The following PACS1 variants were observed in gnomAD, a reference collection of about 807,000 sequenced individuals.
PACS1 encodes the protein PACS-1.
In PACS1, 24 loss-of-function variants were observed where a neutral mutation model predicts 115.0. The observed-to-expected ratio is 0.21, with a 90% confidence interval of 0.15 to 0.29. The LOEUF is 0.29. Among genes scored for constraint, PACS1 ranks in the 10% least tolerant of loss-of-function variants. PACS1 has a pLI of 1.00. For synonymous variants in PACS1, 453 were observed against 504.5 expected (o/e 0.90, Z 1.37); for missense variants, 838 against 1,251.2 (o/e 0.67, Z 4.98).
intron 1 of PACS1, among the ~76,000 whole-genome samples, chr11:66,082,126 G>T (rs1266328975): frequency 6.6e-6 from 1 of 152,148 alleles, no homozygotes; most frequent in Non-Finnish European, 1.5e-5. Context: ...CTTGAATCTG[G>T]ATCTTAATGA....
At chr11:66,076,405 CT>C (rs963192468) in intron 1 of PACS1, among the ~76,000 whole-genome samples, 293 of 144,894 alleles carry the variant, frequency 2.0e-3, no homozygotes, top group Middle Eastern at 7.1e-3. Flanking sequence ...TGGACTTGGA[CT>C]TTTTTTTTTT....
At chr11:66,136,262 AACACACAC>A (rs71270571) in intron 1 of PACS1, among the ~76,000 whole-genome samples, 2 of 143,700 alleles carry the variant, frequency 1.4e-5, no homozygotes, top group African/African-American at 2.6e-5. Flanking sequence ...CAATCCCGCT[AACACACAC>A]ACACACACAC....
At chr11:66,241,131 T>C (rs920808184) in intron 21 of PACS1, 10 of 373,950 alleles carry the variant, frequency 2.7e-5, no homozygotes, top group Non-Finnish European at 4.0e-5. Flanking sequence ...CATGCACTTA[T>C]GTACACACAC....
chr11:66,198,120 G>T (rs1393338176), intron 2 of PACS1, among the ~76,000 whole-genome samples: 1 of 152,114 alleles, frequency 6.6e-6, no homozygotes, highest in African/African-American at 2.4e-5. Flanking sequence ...TTGCTGTGTT[G>T]CCCAGGCTGC....
chr11:66,221,367 G>A, intron 10 of PACS1, 120 bp downstream of exon 10: 1 of 833,578 alleles, frequency 1.2e-6, no homozygotes, highest in African/African-American at 1.7e-5. Flanking sequence ...GGCCCCATTG[G>A]CTGGGCATGG....
chr11:66,108,033 C>T (rs771354487), intron 1 of PACS1, among the ~76,000 whole-genome samples: 4 of 152,138 alleles, frequency 2.6e-5, no homozygotes, highest in African/African-American at 7.2e-5. Context: ...ATGACAGCTG[C>T]CAACAAGGCC....
intron 1 of PACS1, among the ~76,000 whole-genome samples, chr11:66,114,856 T>C (rs1858268901): frequency 6.6e-6 from 1 of 152,102 alleles, no homozygotes; most frequent in Admixed American, 6.5e-5. Context: ...GTTACATAAT[T>C]TTCTTACAGT....
At chr11:66,098,981 C>T (rs1257514154) in intron 1 of PACS1, among the ~76,000 whole-genome samples, 1 of 152,096 alleles carries the variant, frequency 6.6e-6, no homozygotes, top group Non-Finnish European at 1.5e-5. Flanking sequence ...TGGTGTCTTC[C>T]AGGTATCTCT....
intron 1 of PACS1, among the ~76,000 whole-genome samples, chr11:66,146,222 A>G (rs1859121086): frequency 6.6e-6 from 1 of 152,196 alleles, no homozygotes; most frequent in South Asian, 2.1e-4. Context: ...GAGAGCCTAG[A>G]TGTTAGGTTT....
At chr11:66,169,177 T>C (rs1449606564) in intron 1 of PACS1, among the ~76,000 whole-genome samples, 3 of 150,634 alleles carry the variant, frequency 2.0e-5, no homozygotes, top group Admixed American at 6.6e-5. Context: ...TTGCTGTAGA[T>C]TTCTGATGTG....
At chr11:66,160,663 ATTTTTTTTT>A (rs58145434) in intron 1 of PACS1, among the ~76,000 whole-genome samples, 3 of 116,190 alleles carry the variant, frequency 2.6e-5, no homozygotes, top group South Asian at 5.4e-4. Flanking sequence ...TGCCTGGCTG[ATTTTTTTTT>A]TTTTTTTTTT....
chr11:66,144,999 G>A (rs1248158643), intron 1 of PACS1, among the ~76,000 whole-genome samples: 5 of 152,188 alleles, frequency 3.3e-5, no homozygotes, highest in Admixed American at 3.3e-4. Flanking sequence ...GTGATGAGGT[G>A]ATACGTTTGA....
chr11:66,070,962 C>CGGCCTGGCTCCAGCCA lies in PACS1; in HGVS notation c.356+126_356+141dup. On this transcript the variant is annotated intron_variant, in intron 1 of 23. Transcript: ENST00000320580. The surrounding 1 kb of genome is among the most constrained non-coding windows in gnomAD (Gnocchi z 5.9). ...CCATCTCCCCGACTGTCCCGCGGCC[C>CGGCCTGGCTCCAGCCA]GGCCTGGCTCCAGCCAGGCCTCCCG... 1.0e-5 allele frequency: 11 copies of CGGCCTGGCTCCAGCCA among 1,070,050 alleles called. No homozygotes were observed. In the South Asian group the frequency reaches 2.5e-4, roughly 24 times the overall value. 66.3% of individuals were successfully genotyped at this position (1,070,050 alleles called of 1,614,324 possible).
intron 1 of PACS1, among the ~76,000 whole-genome samples, chr11:66,167,762 C>A (rs1434839214): frequency 6.7e-6 from 1 of 149,702 alleles, no homozygotes; most frequent in South Asian, 2.1e-4. Context: ...TTTTTTTTCC[C>A]AGTTATTGAA....
intron 1 of PACS1, among the ~76,000 whole-genome samples, chr11:66,148,807 T>C (rs1230757921): frequency 1.3e-5 from 2 of 152,070 alleles, no homozygotes; most frequent in East Asian, 3.9e-4. Flanking sequence ...GCATCTGTTA[T>C]CCCAGCTACT....
intron 1 of PACS1, among the ~76,000 whole-genome samples, chr11:66,127,193 G>A (rs1858598987): frequency 6.6e-6 from 1 of 152,206 alleles, no homozygotes; most frequent in Admixed American, 6.5e-5. Flanking sequence ...TTCTCTCAAA[G>A]ACTCAGTGTT....
At chr11:66,209,148 G>GA (rs369895287) in intron 2 of PACS1, among the ~76,000 whole-genome samples, 2 of 150,886 alleles carry the variant, frequency 1.3e-5, no homozygotes, top group Non-Finnish European at 3.0e-5. Flanking sequence ...AAGTTCCTGG[G>GA]AAAAAAAAAT....
At position 66,193,582 on chromosome 11, in the gene PACS1, G is replaced by A. The variant is rs748523504; in HGVS notation, c.444+9G>A. The A allele has an allele frequency of 4.4e-6, 7 of 1,603,592 alleles. No homozygotes were observed. In the South Asian group the frequency reaches 5.5e-5, roughly 13 times the overall value. On this transcript the variant is annotated intron_variant, in intron 2 of 23. Transcript: ENST00000320580. ...TCGCTGTGAAGCTGCAGGTGAGTGG[G>A]GCAGGACTGTTTGTTCAGGGCCCAG...
intron 2 of PACS1, among the ~76,000 whole-genome samples, chr11:66,203,651 CAA>C (rs1464677515): frequency 6.6e-6 from 1 of 152,130 alleles, no homozygotes; most frequent in Non-Finnish European, 1.5e-5. Flanking sequence ...GGCATAAAAA[CAA>C]ACACCTACAC....
Sources: allele counts gnomAD v4.1 joint callset (sites outside exome capture counted in the v4.1 genomes callset), GRCh38; gene constraint gnomAD v4.1.1; non-coding constraint Gnocchi (gnomAD v3.1); transcripts MANE v1.5; gene names NCBI Gene and HGNC (gene_info 2026-07-23, HGNC 2026-07-21).